NCOA4: variants seen among roughly 807,000 people sequenced by gnomAD.
The protein encoded by NCOA4 is 70 kDa AR-activator.
In NCOA4, 31 loss-of-function variants were observed where a neutral mutation model predicts 69.5. The observed-to-expected ratio is 0.45, with a 90% CI of 0.34 to 0.60. The LOEUF (loss-of-function observed/expected upper bound fraction) is 0.60, where lower values mean the gene tolerates loss of function less well. Ranked by LOEUF, NCOA4 falls within the 20% of genes least tolerant of loss-of-function variation. The pLI is 0.02. For missense variants in NCOA4, 600 were observed against 719.2 expected (o/e 0.83, Z 1.90); for synonymous variants, 228 against 252.4 (o/e 0.90, Z 0.92).
In NCOA4 at chr10:46,009,955, T is replaced by A. The variant is rs117350562; in HGVS notation, c.1698+268A>T. ...ACCAAGACGGGCAGATCGCTTAAGC[T>A]CAGGAGTTCAGAGACCAGCCCAGGC... On this transcript the variant is annotated intron_variant, in intron 8 of 9. Coordinates refer to ENST00000581486, the MANE Select transcript of NCOA4 (RefSeq NM_001145263.2). Among the ~76,000 whole-genome samples, 24 of 152,176 alleles carry A rather than the reference T, an allele frequency of 1.6e-4. No homozygotes were observed. In the East Asian group the frequency reaches 3.9e-3, roughly 25 times the overall value.
At chr10:46,020,237 G>A (rs1431664483) in intron 1 of NCOA4, among the ~76,000 whole-genome samples, 1 of 152,160 alleles carries the variant, frequency 6.6e-6, no homozygotes, top group Non-Finnish European at 1.5e-5. Context: ...ACCGTTAAGA[G>A]GTCACTCTGG....
intron 9 of NCOA4, among the ~76,000 whole-genome samples, chr10:46,008,021 C>T (rs1482888588): frequency 6.6e-6 from 1 of 152,162 alleles, no homozygotes; most frequent in Non-Finnish European, 1.5e-5. Flanking sequence ...GCATGGTTTA[C>T]TGAATATTTT....
At position 46,018,705 on chromosome 10, in the gene NCOA4, G is replaced by A. The variant is rs535336097; in HGVS notation, c.-14-2011C>T. On this transcript the variant is annotated intron_variant, in intron 1 of 9. Coordinates refer to ENST00000581486, the MANE Select transcript of NCOA4 (RefSeq NM_001145263.2). The stretch of plus-strand genomic sequence containing the variant: ...AAATTTGTTTGGAACAGACACAAGG[G>A]GGTAAAAAACATTAATAGGAGGCAT... 2.6e-5 allele frequency among the ~76,000 whole-genome samples: 4 copies of A among 152,266 alleles called. No homozygotes were observed. In the South Asian group the frequency reaches 8.3e-4, roughly 32 times the overall value.
chr10:46,022,490 G>A (rs974419122), intron 1 of NCOA4: 6 of 464,196 alleles, frequency 1.3e-5, no homozygotes, highest in Non-Finnish European at 2.2e-5. Context: ...TTTTGAGACG[G>A]AGTCTAGCTC....
At chr10:46,006,782 T>A (rs142919038) in intron 9 of NCOA4, among the ~76,000 whole-genome samples, 185 bp from the exon 10 acceptor site, 3 of 152,352 alleles carry the variant, frequency 2.0e-5, no homozygotes, top group Non-Finnish European at 4.4e-5. Context: ...CATCAATAAA[T>A]GTCCTGAATG....
At chr10:46,011,776 G>A (rs4935213) in intron 7 of NCOA4, among the ~76,000 whole-genome samples, 6 of 151,782 alleles carry the variant, frequency 4.0e-5, no homozygotes, top group Admixed American at 3.3e-4. Context: ...ATACTTGGCC[G>A]GGTACGGTGG....
Position 46,010,434 on chromosome 10 carries a change from T to A in NCOA4, c.1487A>T (p.Glu496Val), listed in dbSNP as rs1485712284. ...TTTGTATGGGGGCCTGATAAGCCACTCCGACAAGGGGCTGTTCTTTATGAC... is the reference window on the plus strand; with the variant it reads ...TTTGTATGGGGGCCTGATAAGCCACACCGACAAGGGGCTGTTCTTTATGAC... Reference protein sequence around the residue: ...FQVIKNSPLSEWLIRPPYKEG... With the variant: ...FQVIKNSPLSVWLIRPPYKEG... Residue 496 changes from glutamate (E) to valine (V), a missense_variant, in exon 8 of 10, where the codon GAG becomes GTG. By Grantham distance (121) the Glu-to-Val change is moderately radical. Transcript: ENST00000581486. The A allele has an allele frequency of 6.2e-7, 1 of 1,614,096 alleles. No individual in the cohort carries two copies. Among genetic ancestry groups the A allele is most frequent in the Non-Finnish European group, 8.5e-7 (1 of 1,180,046 alleles).
chr10:46,012,964 G>A lies in NCOA4; in HGVS notation c.633C>T (p.Ala211=). 6.2e-7 allele frequency: 1 copy of A among 1,614,122 alleles called. No individual in the cohort carries two copies. Among genetic ancestry groups the A allele is most frequent in the Non-Finnish European group, 8.5e-7 (1 of 1,180,010 alleles). Residue 211 remains alanine (A), a synonymous_variant, in exon 7 of 10, where the codon GCC becomes GCT. Transcript: ENST00000581486. ...GTATGTAAGGAGCTTGATAACCACT[G>A]GCAGGTTTGCTTCCAAGGAGCCATT... ...FSEWLLGSKP[A]SGYQAPYIPS... is the part of the protein sequence containing the mutation.
intron 9 of NCOA4, 79 bp from the exon 10 acceptor site, chr10:46,006,676 T>A (rs367654461): frequency 5.1e-6 from 7 of 1,370,426 alleles, no homozygotes; most frequent in Non-Finnish European, 6.3e-6. Flanking sequence ...AAGCTCCGAC[T>A]CATTTCCCAA....
intron 1 of NCOA4, among the ~76,000 whole-genome samples, chr10:46,020,394 AT>A (rs1839803863): frequency 6.6e-6 from 1 of 152,206 alleles, no homozygotes; most frequent in African/African-American, 2.4e-5. Context: ...AAAGTGAGAT[AT>A]TATATGTCTA....
At chr10:46,019,469 C>G (rs1014888396) in intron 1 of NCOA4, 1 of 985,462 alleles carries the variant, frequency 1.0e-6, no homozygotes, top group South Asian at 4.7e-5. Context: ...TGCCAAATTT[C>G]TCACTTTTAG....
chr10:46,014,172 G>A (rs1232743691), intron 5 of NCOA4, among the ~76,000 whole-genome samples: 3 of 151,920 alleles, frequency 2.0e-5, no homozygotes, highest in Non-Finnish European at 4.4e-5. Context: ...GATTATAGGC[G>A]CCCAGCTAAT....
chr10:46,023,330 C>G, intron 1 of NCOA4: 1 of 985,570 alleles, frequency 1.0e-6, no homozygotes, highest in Non-Finnish European at 1.2e-6. Context: ...CCAGACGTAC[C>G]TCACAGGCCA....
chr10:46,023,620 C>A (rs1439850065), intron 1 of NCOA4, among the ~76,000 whole-genome samples: 1 of 152,242 alleles, frequency 6.6e-6, no homozygotes, highest in East Asian at 1.9e-4. Flanking sequence ...GCTGCCCCCG[C>A]CCGGCCCCCA....
chr10:46,020,710 T>TCTAAATCCTCTAA, intron 1 of NCOA4, among the ~76,000 whole-genome samples: 1 of 152,338 alleles, frequency 6.6e-6, no homozygotes, highest in South Asian at 2.1e-4. Context: ...AACTCAATAG[T>TCTAAATCCTCTAA]CTAAATCCTC....
intron 9 of NCOA4, chr10:46,009,200 T>C (rs1839042594): frequency 6.4e-7 from 1 of 1,550,442 alleles, no homozygotes. Context: ...TGAAAGTTCA[T>C]TTTGAAGTAT....
Position 46,005,830 on chromosome 10 carries a change from G to T in NCOA4, c.*762C>A, listed in dbSNP as rs1292486241. On this transcript the variant is annotated 3_prime_UTR_variant, in exon 10 of 10. Coordinates refer to ENST00000581486, the MANE Select transcript of NCOA4 (RefSeq NM_001145263.2). ...TGCCTATTTGCTTAGTCGGTACTGGGGTTCTTTTAAGCCCCGTAGGTCTGT... is the reference window on the plus strand; with the variant it reads ...TGCCTATTTGCTTAGTCGGTACTGGTGTTCTTTTAAGCCCCGTAGGTCTGT... 7 of 208,954 alleles carry T rather than the reference G, an allele frequency of 3.4e-5. No individual in the cohort carries two copies. The highest frequency in any genetic ancestry group is 1.4e-4 in the African/African-American group (6 of 43,988). The allele number at this position is 208,954 out of a possible 1,614,324, so 12.9% of individuals were successfully genotyped here. A position where few individuals can be genotyped will look rare whatever the true frequency, so the allele number is the denominator to read the frequency against.
chr10:46,013,222 C>A (rs1839339434), intron 6 of NCOA4, among the ~76,000 whole-genome samples, 196 bp from the exon 7 acceptor site: 1 of 152,142 alleles, frequency 6.6e-6, no homozygotes, highest in South Asian at 2.1e-4. Context: ...CATATAGAAA[C>A]CTTTATTCAC....
chr10:46,006,821 TTC>T (rs1221156518), intron 9 of NCOA4, among the ~76,000 whole-genome samples: 2 of 152,188 alleles, frequency 1.3e-5, no homozygotes, highest in Non-Finnish European at 2.9e-5. Flanking sequence ...CCTATTTCTC[TTC>T]TCTCTCCTCA....
Sources: gnomAD v4.1 joint callset for allele counts (sites outside exome capture counted in the v4.1 genomes callset) on GRCh38, gnomAD v4.1.1 for gene constraint, MANE v1.5 for transcripts, NCBI Gene and HGNC (gene_info 2026-07-23, HGNC 2026-07-21) for gene names.